GRID1: variants seen among roughly 807,000 people sequenced by gnomAD.
GRID1 encodes glutamate ionotropic receptor delta type subunit 1.
A neutral mutation model predicts 98.0 loss-of-function variants in GRID1; 28 were observed. The ratio of observed to expected loss-of-function variants is 0.29; its 90% CI spans 0.21 to 0.39. GRID1 has a LOEUF of 0.39. Ranked by LOEUF, GRID1 falls within the 10% of genes least tolerant of loss-of-function variation. GRID1 has a pLI of 1.00. For synonymous variants in GRID1, 553 were observed against 538.5 expected, an observed-to-expected ratio of 1.03 and a Z score of -0.37; for missense variants, 1,111 against 1,340.5, an observed-to-expected ratio of 0.83 and a Z score of 2.67.
At chr10:86,331,503 C>A (rs1448423181) in intron 2 of GRID1, among the ~76,000 whole-genome samples, 1 of 152,212 alleles carries the variant, frequency 6.6e-6, no homozygotes, top group African/African-American at 2.4e-5. Flanking sequence ...GTGCCCACAA[C>A]CCCATTGGAA....
At chr10:85,822,030 A>T (rs939852631) in intron 8 of GRID1, among the ~76,000 whole-genome samples, 22 of 152,212 alleles carry the variant, frequency 1.4e-4, no homozygotes, top group Non-Finnish European at 5.9e-5. Context: ...TTATACAAAA[A>T]TTAATTCAAG....
At chr10:86,212,821 C>T (rs969426017) in intron 2 of GRID1, among the ~76,000 whole-genome samples, 1 of 152,212 alleles carries the variant, frequency 6.6e-6, no homozygotes, top group African/African-American at 2.4e-5. Flanking sequence ...TGTCATAACT[C>T]ATAGTAAATT....
intron 2 of GRID1, among the ~76,000 whole-genome samples, chr10:86,223,804 C>G (rs1419116193): frequency 6.6e-6 from 1 of 152,190 alleles, no homozygotes; most frequent in Non-Finnish European, 1.5e-5. Context: ...GAAGGACCAG[C>G]AGGTGATAGA....
chr10:85,674,046 G>A (rs1462402963), intron 12 of GRID1, among the ~76,000 whole-genome samples: 1 of 152,190 alleles, frequency 6.6e-6, no homozygotes. Context: ...AAATGAGTTT[G>A]CTGGTCTTTC....
chr10:85,782,228 GCA>G (rs147841741), intron 8 of GRID1, among the ~76,000 whole-genome samples: 37 of 149,238 alleles, frequency 2.5e-4, no homozygotes, highest in South Asian at 1.5e-3. Flanking sequence ...GAGTGCACAT[GCA>G]CACACACACA....
At chr10:85,757,896 C>G (rs919403154) in intron 8 of GRID1, among the ~76,000 whole-genome samples, 1 of 152,216 alleles carries the variant, frequency 6.6e-6, no homozygotes, top group African/African-American at 2.4e-5. Context: ...GCTACACTGG[C>G]AAGTATTCTA....
intron 4 of GRID1, among the ~76,000 whole-genome samples, chr10:86,101,827 A>T (rs1472882766): frequency 1.3e-5 from 2 of 151,576 alleles, no homozygotes; most frequent in African/African-American, 2.4e-5. Context: ...TTATTTATTT[A>T]TTTTTTTGTA....
chr10:85,931,880 A>G (rs903423623), intron 4 of GRID1, among the ~76,000 whole-genome samples: 2 of 152,210 alleles, frequency 1.3e-5, no homozygotes, highest in African/African-American at 4.8e-5. Context: ...AGATTCCCCA[A>G]TGTCAGCATT....
chr10:85,737,995 T>C (rs1376915244), intron 8 of GRID1, among the ~76,000 whole-genome samples: 1 of 152,000 alleles, frequency 6.6e-6, no homozygotes, highest in African/African-American at 2.4e-5. Flanking sequence ...AAAGGTCAGA[T>C]GTGGGCCAGC....
At chr10:86,194,036 G>A (rs1178719599) in intron 3 of GRID1, among the ~76,000 whole-genome samples, 1 of 152,092 alleles carries the variant, frequency 6.6e-6, no homozygotes, top group Non-Finnish European at 1.5e-5. Flanking sequence ...TGGCACCCAA[G>A]AATGGAAACA....
chr10:85,757,997 A>T lies in GRID1; in HGVS notation c.1234-28383T>A, dbSNP rs1842114944. Among the ~76,000 whole-genome samples, 4 of 152,322 alleles carry T rather than the reference A, an allele frequency of 2.6e-5. No homozygotes were observed. In the South Asian group the frequency reaches 8.3e-4, roughly 32 times the overall value. Reference sequence around the variant, plus strand: ...TAACACTCCTGGCACAGCCTCACACAGGCTGACCTTCCTTGGACATTGAGG... The same window carrying T: ...TAACACTCCTGGCACAGCCTCACACTGGCTGACCTTCCTTGGACATTGAGG... On this transcript the variant is annotated intron_variant, in intron 8 of 15. Coordinates refer to ENST00000327946, the MANE Select transcript of GRID1 (RefSeq NM_017551.3).
intron 4 of GRID1, among the ~76,000 whole-genome samples, chr10:86,100,351 TTCAA>T (rs1844279729): frequency 6.6e-6 from 1 of 152,132 alleles, no homozygotes; most frequent in South Asian, 2.1e-4. Flanking sequence ...CATAACCCTA[TTCAA>T]TCATTTAGTC....
At chr10:85,809,695 A>G (rs1448258574) in intron 8 of GRID1, among the ~76,000 whole-genome samples, 1 of 152,222 alleles carries the variant, frequency 6.6e-6, no homozygotes, top group East Asian at 1.9e-4. Context: ...CTGAAGTGTA[A>G]CAAAGGAGTA....
In GRID1 at chr10:85,740,362, C is replaced by A. The variant is rs559644752; in HGVS notation, c.1234-10748G>T. 4.9e-4 allele frequency among the ~76,000 whole-genome samples: 75 copies of A among 152,320 alleles called. 2 individuals carry two copies. In the South Asian group the frequency reaches 0.013, roughly 26 times the overall value. On this transcript the variant is annotated intron_variant, in intron 8 of 15. Transcript: ENST00000327946. ...AGTCTCTATTATGCTCAGGCTCATA[C>A]TAGCAGATTAAGAGATTCTTGTTGG...
intron 2 of GRID1, among the ~76,000 whole-genome samples, chr10:86,254,218 A>C (rs2132050991): frequency 6.6e-6 from 1 of 151,498 alleles, no homozygotes; most frequent in South Asian, 2.1e-4. Flanking sequence ...CCATGAGACA[A>C]CCAACACCTG....
intron 4 of GRID1, among the ~76,000 whole-genome samples, chr10:86,002,292 T>C (rs1842811489): frequency 6.6e-6 from 1 of 152,246 alleles, no homozygotes; most frequent in African/African-American, 2.4e-5. Flanking sequence ...ATTCATTTGC[T>C]TAATGTACTA....
intron 4 of GRID1, among the ~76,000 whole-genome samples, chr10:85,988,221 G>A (rs1288073142): frequency 1.3e-5 from 2 of 151,794 alleles, no homozygotes; most frequent in Non-Finnish European, 2.9e-5. Context: ...TTCCTCTATT[G>A]TTGCAGGTGT....
chr10:85,637,425 T>G (rs1314142575), intron 13 of GRID1, among the ~76,000 whole-genome samples: 1 of 152,142 alleles, frequency 6.6e-6, no homozygotes, highest in Non-Finnish European at 1.5e-5. Context: ...TGAAAAAGGT[T>G]TAGGCACATT....
chr10:85,625,987 G>T (rs1020259125), intron 13 of GRID1, among the ~76,000 whole-genome samples: 1 of 152,156 alleles, frequency 6.6e-6, no homozygotes, highest in African/African-American at 2.4e-5. Flanking sequence ...CATCCTAACT[G>T]CTTTGGAAAG....
Sources: gnomAD v4.1 joint callset for allele counts (sites outside exome capture counted in the v4.1 genomes callset) on GRCh38, gnomAD v4.1.1 for gene constraint, MANE v1.5 for transcripts, NCBI Gene and HGNC (gene_info 2026-07-23, HGNC 2026-07-21) for gene names.